UPK3BL2: variants seen among roughly 807,000 people sequenced by gnomAD.
UPK3BL2 encodes the protein uroplakin 3B like 2.
Under a neutral mutation model 11.3 loss-of-function variants are expected in UPK3BL2, and 1 was observed. The observed-to-expected ratio is 0.09, with a 90% CI of 0.03 to 0.42. The LOEUF (loss-of-function observed/expected upper bound fraction) is 0.42. Ranked by LOEUF, UPK3BL2 falls within the 10% of genes least tolerant of loss-of-function variation. The probability of loss-of-function intolerance (pLI) is 0.98; values close to 1 mark genes in which losing one functional copy is unlikely to be tolerated.
chr7:102,542,998 G>GA (rs536228128), intron 1 of UPK3BL2, among the ~76,000 whole-genome samples: 14,387 of 105,442 alleles, frequency 0.14, 57 homozygotes, highest in Admixed American at 0.17. Context: ...ACTCTGTCTC[G>GA]AAAAAAAAAA....
At chr7:102,540,884 AG>A (rs1467375990) in intron 3 of UPK3BL2, among the ~76,000 whole-genome samples, 21 of 97,782 alleles carry the variant, frequency 2.1e-4, no homozygotes, top group African/African-American at 6.6e-4. Context: ...AAAGAAGAAA[AG>A]GAAAAAAAAA....
chr7:102,538,462 G>GT lies in UPK3BL2; in HGVS notation c.746dup (p.Tyr249Ter), dbSNP rs1800153928. The GT allele has an allele frequency of 5.3e-6, 1 of 189,574 alleles. No homozygotes were observed. The highest frequency in any genetic ancestry group is 3.7e-5 in the African/African-American group (1 of 26,752). The allele number at this position is 189,574 out of a possible 1,614,324, so 11.7% of individuals were successfully genotyped here. A position where few individuals can be genotyped will look rare whatever the true frequency, so the allele number is the denominator to read the frequency against. ...GAGTGCTGAACGCGAGGTGCGTGGT[G>GT]TATCTTCTCACACTCCCTGCCTCCT... The change falls in exon 6 of 6, where the codon TAC becomes TAAC. Residue 249 changes from tyrosine (Y) to a stop codon, truncating the protein, a stop_gained and frameshift_variant. Transcript: ENST00000644544. LOFTEE classifies it low-confidence loss of function (END_TRUNC).
intron 3 of UPK3BL2, among the ~76,000 whole-genome samples, chr7:102,540,803 C>T (rs1800219100): frequency 6.8e-6 from 1 of 147,336 alleles, no homozygotes; most frequent in South Asian, 2.1e-4. Flanking sequence ...GAGATCACAC[C>T]ACTGTACTCC....
chr7:102,540,880 G>GA (rs1434603502), intron 3 of UPK3BL2, among the ~76,000 whole-genome samples: 5 of 65,870 alleles, frequency 7.6e-5, no homozygotes, highest in East Asian at 4.9e-4. Context: ...AAAAAAAGAA[G>GA]AAAAGGAAAA....
downstream of UPK3BL2, chr7:102,538,266 T>G (rs1800149606): frequency 2.7e-6 from 1 of 375,920 alleles, no homozygotes; most frequent in Admixed American, 5.2e-5. Flanking sequence ...GGCGACAGAG[T>G]GAGACTCCGT....
chr7:102,540,872 AAAAAG>A (rs1800234438), intron 3 of UPK3BL2, among the ~76,000 whole-genome samples: 2 of 130,078 alleles, frequency 1.5e-5, no homozygotes, highest in East Asian at 2.1e-4. Flanking sequence ...AAAAAAAAAA[AAAAAG>A]AAGAAAAGGA....
intron 3 of UPK3BL2, among the ~76,000 whole-genome samples, chr7:102,540,874 A>AAAAAAAAAAAAAAAG (rs1554587419): frequency 8.4e-6 from 1 of 119,574 alleles, no homozygotes; most frequent in African/African-American, 3.2e-5. Flanking sequence ...AAAAAAAAAA[A>AAAAAAAAAAAAAAAG]AAGAAGAAAA....
At chr7:102,540,862 AAAAAAAAAAAAAAAG>A (rs1800231419) in intron 3 of UPK3BL2, among the ~76,000 whole-genome samples, 1 of 125,956 alleles carries the variant, frequency 7.9e-6, no homozygotes, top group African/African-American at 3.4e-5. Flanking sequence ...AAACAAAAAA[AAAAAAAAAAAAAAAG>A]AAGAAAAGGA....
At chr7:102,540,861 A>C (rs1287271057) in intron 3 of UPK3BL2, among the ~76,000 whole-genome samples, 7 of 125,268 alleles carry the variant, frequency 5.6e-5, no homozygotes, top group East Asian at 4.4e-4. Context: ...AAAACAAAAA[A>C]AAAAAAAAAA....
At chr7:102,538,205 C>T (rs1469279747), downstream of UPK3BL2, 23 of 150,286 alleles carry the variant, frequency 1.5e-4, no homozygotes, top group East Asian at 8.8e-4. Context: ...GCAGGAAAAT[C>T]GCTTGAACCC....
intron 3 of UPK3BL2, among the ~76,000 whole-genome samples, chr7:102,540,737 GTT>G (rs1800216730): frequency 6.6e-6 from 1 of 151,244 alleles, no homozygotes; most frequent in Non-Finnish European, 1.5e-5. Flanking sequence ...CCAGCTACTC[GTT>G]AGGCTGAGGC....
In UPK3BL2 at chr7:102,541,207, CG is replaced by C. The variant is rs1800256948; in HGVS notation, c.370del (p.Arg124GlyfsTer40). 1.8e-6 allele frequency: 1 copy of C among 540,582 alleles called. No homozygotes were observed. Among genetic ancestry groups the C allele is most frequent in the Admixed American group, 3.9e-5 (1 of 25,392 alleles). 33.5% of individuals were successfully genotyped at this position (540,582 alleles called of 1,614,324 possible). Reference sequence around the variant, plus strand: ...CTGGCCTCTGGTCTGGTACAGCACCCGGTTGGCCCTCAGTGTGAGATAGTAG... The same window carrying C: ...CTGGCCTCTGGTCTGGTACAGCACCCGTTGGCCCTCAGTGTGAGATAGTAG... On this transcript the variant is annotated frameshift_variant, in exon 3 of 6. Coordinates refer to ENST00000644544, the Ensembl canonical transcript of UPK3BL2. LOFTEE classifies it high-confidence loss of function.
intron 1 of UPK3BL2, among the ~76,000 whole-genome samples, chr7:102,542,927 G>A (rs879281041): frequency 6.6e-6 from 1 of 152,404 alleles, no homozygotes; most frequent in East Asian, 1.9e-4. Flanking sequence ...GAACCCGAGA[G>A]GCGGAGGTTG....
chr7:102,540,886 G>GAAAA (rs374079023), intron 3 of UPK3BL2, among the ~76,000 whole-genome samples: 2 of 73,316 alleles, frequency 2.7e-5, no homozygotes, highest in Non-Finnish European at 2.9e-5. Context: ...AGAAGAAAAG[G>GAAAA]AAAAAAAAAA....
intron 1 of UPK3BL2, among the ~76,000 whole-genome samples, chr7:102,543,032 A>C (rs1175477666): frequency 1.8e-5 from 2 of 113,322 alleles, no homozygotes; most frequent in African/African-American, 5.5e-5. Flanking sequence ...AAGAAAAAAA[A>C]GAAAAAGAAA....
rs1191808991 is a variant in UPK3BL2, at chr7:102,540,843, CA to C, written c.485+249del. Among the ~76,000 whole-genome samples, 13 of 55,458 alleles carry C rather than the reference CA, an allele frequency of 2.3e-4. No individual in the cohort carries two copies. In the South Asian group the frequency reaches 5.7e-3, roughly 24 times the overall value. The allele number at this position is 55,458 out of a possible 152,430, so 36.4% of individuals were successfully genotyped here. ...TGGGTCACAGAGCAAGACTCCATCTCAAAAAACAAAACAAAAAAAAAAAAAA... is the reference window on the plus strand; with the variant it reads ...TGGGTCACAGAGCAAGACTCCATCTCAAAAACAAAACAAAAAAAAAAAAAA... On this transcript the variant is annotated intron_variant, in intron 3 of 5. Coordinates refer to ENST00000644544, the Ensembl canonical transcript of UPK3BL2.
intron 1 of UPK3BL2, chr7:102,542,673 C>T: frequency 8.5e-6 from 8 of 941,696 alleles, no homozygotes; most frequent in Middle Eastern, 5.7e-4. Flanking sequence ...AAGCCCAGGG[C>T]ACTCTGTGTG....
chr7:102,540,876 A>G, intron 3 of UPK3BL2, among the ~76,000 whole-genome samples: 1 of 113,754 alleles, frequency 8.8e-6, no homozygotes, highest in South Asian at 3.2e-4. Context: ...AAAAAAAAAA[A>G]GAAGAAAAGG....
chr7:102,539,875 GT>G lies in UPK3BL2; in HGVS notation c.562+139del, dbSNP rs1185831800. The G allele has an allele frequency of 2.7e-5, 2 of 73,314 alleles. 1 individual carries two copies. Among genetic ancestry groups the G allele is most frequent in the African/African-American group, 2.0e-4 (2 of 9,892 alleles). The allele number at this position is 73,314 out of a possible 1,614,324, so 4.5% of individuals were successfully genotyped here. A position where few individuals can be genotyped will look rare whatever the true frequency, so the allele number is the denominator to read the frequency against. ...GGGGAAGGGGGTGGCTGGGGGAGGG[GT>G]GCCTGCAGATTGCAAGATGGTTGGC... On this transcript the variant is annotated intron_variant, in intron 4 of 5. Transcript: ENST00000644544.
Sources: allele counts gnomAD v4.1 joint callset (sites outside exome capture counted in the v4.1 genomes callset), GRCh38; gene constraint gnomAD v4.1.1; transcripts MANE v1.5; gene names NCBI Gene and HGNC (gene_info 2026-07-23, HGNC 2026-07-21).